The following PAX2 variants were observed in gnomAD, a reference collection of about 807,000 sequenced individuals.
The protein encoded by PAX2 is paired box protein Pax-2.
A neutral mutation model predicts 41.7 loss-of-function variants in PAX2; 9 were observed. That is an observed-to-expected ratio of 0.22 (90% CI 0.13 to 0.38). PAX2 has a LOEUF of 0.38. PAX2 is among the 10% of genes least tolerant of loss of function. The pLI, the probability that PAX2 is intolerant of heterozygous loss-of-function variation, is 1.00. For synonymous variants in PAX2, 221 were observed against 212.7 expected (o/e 1.04, Z -0.34); for missense variants, 418 against 531.6 (o/e 0.79, Z 2.10).
chr10:100,772,844 G>A (rs1846261996), intron 3 of PAX2, among the ~76,000 whole-genome samples: 1 of 152,196 alleles, frequency 6.6e-6, no homozygotes, highest in African/African-American at 2.4e-5. Flanking sequence ...TTCTAAAATT[G>A]GGAAGGAAGT....
At chr10:100,806,769 G>C (rs1346621351) in intron 6 of PAX2, among the ~76,000 whole-genome samples, 164 bp downstream of exon 6, 1 of 152,184 alleles carries the variant, frequency 6.6e-6, no homozygotes, top group Non-Finnish European at 1.5e-5. Context: ...AGACAGTATG[G>C]TATCGTTAAG....
At chr10:100,742,768 C>T (rs1202025984), upstream of PAX2, among the ~76,000 whole-genome samples, 2 of 147,176 alleles carry the variant, frequency 1.4e-5, no homozygotes, top group South Asian at 2.3e-4. Context: ...CCTGACAGGT[C>T]GGAGCCCGGG....
rs1564706867 is a variant in PAX2, at chr10:100,750,680, C to G, written c.213-14C>G. 2 of 1,613,144 alleles carry G rather than the reference C, an allele frequency of 1.2e-6. No individual in the cohort carries two copies. The highest frequency in any genetic ancestry group is 1.7e-6 in the Non-Finnish European group (2 of 1,179,204). ...GTCCGCTTCTGGCTGACCCCGCCGGCTTTCCCGGCGCAGGTACTACGAGAC... is the reference window on the plus strand; with the variant it reads ...GTCCGCTTCTGGCTGACCCCGCCGGGTTTCCCGGCGCAGGTACTACGAGAC... On this transcript the variant is annotated splice_polypyrimidine_tract_variant and intron_variant, in intron 2 of 9. Transcript: ENST00000355243. The surrounding 1 kb of genome is among the most constrained non-coding windows in gnomAD (Gnocchi z 4.1).
intron 4 of PAX2, 134 bp from the exon 5 acceptor site, chr10:100,781,112 A>G (rs1424403239): frequency 2.4e-6 from 2 of 845,790 alleles, no homozygotes; most frequent in East Asian, 4.8e-5. Flanking sequence ...AAGTAGAGGA[A>G]TGAGAGGAAC....
intron 3 of PAX2, among the ~76,000 whole-genome samples, chr10:100,761,301 A>G (rs1466636717): frequency 6.6e-6 from 1 of 151,978 alleles, no homozygotes; most frequent in African/African-American, 2.4e-5. Context: ...AGCTCCTCCT[A>G]GAAACAATGC....
intron 7 of PAX2, among the ~76,000 whole-genome samples, chr10:100,809,503 C>T (rs1054604907): frequency 6.6e-6 from 1 of 152,230 alleles, no homozygotes; most frequent in African/African-American, 2.4e-5. Flanking sequence ...TTCGCCTCTC[C>T]CTTTGTCTAT....
At position 100,826,481 on chromosome 10, in the gene PAX2, G is replaced by A. The variant is rs573757817; in HGVS notation, c.1022-528G>A. 4.3e-4 allele frequency among the ~76,000 whole-genome samples: 65 copies of A among 152,306 alleles called. No homozygotes were observed. The highest frequency in any genetic ancestry group is 1.5e-3 in the African/African-American group (64 of 41,580). On this transcript the variant is annotated intron_variant, in intron 8 of 9. Coordinates refer to ENST00000355243, the MANE Select transcript of PAX2 (RefSeq NM_000278.5). The surrounding 1 kb of genome is among the most constrained non-coding windows in gnomAD (Gnocchi z 5.5). Reference sequence around the variant, plus strand: ...GTAGCCCACGCATCCAACCTCTTGAGGGAAAGGCGGGAGGGCGGTGTCTCC... The same window carrying A: ...GTAGCCCACGCATCCAACCTCTTGAAGGAAAGGCGGGAGGGCGGTGTCTCC...
At position 100,826,998 on chromosome 10, in the gene PAX2, C is replaced by A. The variant is rs1025671631; in HGVS notation, c.1022-11C>A. ...CAGGCGTCTGATCCCCACTCCCCGA[C>A]CCTCCCGCAGGGAGCGAGTTCTCCG... is the stretch of plus-strand genomic sequence containing the variant. On this transcript the variant is annotated splice_polypyrimidine_tract_variant and intron_variant, in intron 8 of 9. Transcript: ENST00000355243. This position sits in a 1 kb window ranked among gnomAD's most constrained non-coding sequence, Gnocchi z 5.5. The A allele has an allele frequency of 5.6e-6, 9 of 1,604,828 alleles. No individual in the cohort carries two copies. Among genetic ancestry groups the A allele is most frequent in the Non-Finnish European group, 7.7e-6 (9 of 1,171,734 alleles).
chr10:100,827,471 G>A lies in PAX2; in HGVS notation c.1109-72G>A. 1.3e-6 allele frequency: 2 copies of A among 1,498,310 alleles called. No homozygotes were observed. Among genetic ancestry groups the A allele is most frequent in the Non-Finnish European group, 1.9e-6 (2 of 1,075,008 alleles). The allele number at this position is 1,498,310 out of a possible 1,614,324, so 92.8% of individuals were successfully genotyped here. On this transcript the variant is annotated intron_variant, in intron 9 of 9. Transcript: ENST00000355243. This position sits in a 1 kb window ranked among gnomAD's most constrained non-coding sequence, Gnocchi z 8.5. ...CCCAGCCAGGGGAGGTCTTTTCTGT[G>A]CTTTTCTTTCCTTTTTTGTTCTCCT...
At chr10:100,804,106 C>T (rs1385908013) in intron 5 of PAX2, among the ~76,000 whole-genome samples, 4 of 152,240 alleles carry the variant, frequency 2.6e-5, no homozygotes, top group Admixed American at 1.3e-4. Flanking sequence ...TCAATAGGGG[C>T]AGCAGATATC....
chr10:100,744,228 C>T (rs1845064376), upstream of PAX2, among the ~76,000 whole-genome samples: 1 of 152,200 alleles, frequency 6.6e-6, no homozygotes, highest in African/African-American at 2.4e-5. Flanking sequence ...GAGCTGCAGA[C>T]GGGGGCTGGA....
At chr10:100,805,023 TACACACACACAC>T (rs3978747) in intron 5 of PAX2, among the ~76,000 whole-genome samples, 7,004 of 94,976 alleles carry the variant, frequency 0.074, 302 homozygotes, top group South Asian at 0.15. Flanking sequence ...CTCTCTCACA[TACACACACACAC>T]ACACACACAC....
intron 3 of PAX2, among the ~76,000 whole-genome samples, chr10:100,775,225 A>G (rs1355659418): frequency 6.6e-6 from 1 of 152,210 alleles, no homozygotes; most frequent in Non-Finnish European, 1.5e-5. Flanking sequence ...CCAAGTATGA[A>G]AAAGAATTGG....
rs1846838123 is a variant in PAX2, at chr10:100,785,951, G to A, written c.616+4586G>A. On this transcript the variant is annotated intron_variant, in intron 5 of 9. Transcript: ENST00000355243. ...CCTCTGTAAAATGAAGATGGTAATG[G>A]CACTTCCTTCCTGGGGGCTGTGGAG... Among the ~76,000 whole-genome samples the A allele has an allele frequency of 2.0e-5, 3 of 152,318 alleles. No homozygotes were observed. In the South Asian group the frequency reaches 6.2e-4, roughly 32 times the overall value.
chr10:100,784,439 G>C (rs888935967), intron 5 of PAX2, among the ~76,000 whole-genome samples: 4 of 152,188 alleles, frequency 2.6e-5, no homozygotes, highest in African/African-American at 9.6e-5. Context: ...GACCCTTAAA[G>C]ACCCTGCCAG....
At chr10:100,796,392 AT>A (rs1417952098) in intron 5 of PAX2, among the ~76,000 whole-genome samples, 1 of 152,150 alleles carries the variant, frequency 6.6e-6, no homozygotes, top group East Asian at 1.9e-4. Flanking sequence ...TGAAAACACG[AT>A]TTTTTAATGG....
intron 3 of PAX2, among the ~76,000 whole-genome samples, chr10:100,761,340 C>T (rs1845837894): frequency 1.3e-5 from 2 of 152,148 alleles, no homozygotes; most frequent in Admixed American, 1.3e-4. Flanking sequence ...CTCCGCCCTC[C>T]CACCTAGCAC....
Position 100,824,353 on chromosome 10 carries a change from T to TAC in PAX2, c.920-253_920-252dup, listed in dbSNP as rs61572589. Among the ~76,000 whole-genome samples the TAC allele has an allele frequency of 0.22, 29,585 of 135,308 alleles. 3,385 individuals carry two copies. Among genetic ancestry groups the TAC allele is most frequent in the Middle Eastern group, 0.31 (86 of 278 alleles). 88.8% of individuals were successfully genotyped at this position (135,308 alleles called of 152,430 possible). On this transcript the variant is annotated intron_variant, in intron 7 of 9. Transcript: ENST00000355243. The surrounding 1 kb of genome is among the most constrained non-coding windows in gnomAD (Gnocchi z 6.6). ...GCACAGAGACACAGGCAAAGGCAGATACACACACACACACACACACACACA... is the reference window on the plus strand; with the variant it reads ...GCACAGAGACACAGGCAAAGGCAGATACACACACACACACACACACACACACA...
upstream of PAX2, among the ~76,000 whole-genome samples, chr10:100,745,366 T>C (rs1345038358): frequency 1.5e-5 from 2 of 132,684 alleles, no homozygotes; most frequent in African/African-American, 2.7e-5. Context: ...CTCCCTCCCA[T>C]TTCTCCCTCC....
Sources: gnomAD v4.1 joint callset for allele counts (sites outside exome capture counted in the v4.1 genomes callset) on GRCh38, gnomAD v4.1.1 for gene constraint, Gnocchi (gnomAD v3.1) non-coding constraint, MANE v1.5 for transcripts, NCBI Gene and HGNC (gene_info 2026-07-23, HGNC 2026-07-21) for gene names.